The following SPICE1 variants were observed in gnomAD, a reference collection of about 807,000 sequenced individuals.
SPICE1 encodes spindle and centriole associated protein 1.
A neutral mutation model predicts 102.7 loss-of-function variants in SPICE1; 75 were observed. That is an observed-to-expected ratio of 0.73 (90% CI 0.61 to 0.88). The LOEUF (loss-of-function observed/expected upper bound fraction) is 0.88, where lower values mean the gene tolerates loss of function less well. Among genes scored for constraint, SPICE1 ranks in the 40% least tolerant of loss-of-function variants. The pLI is 0.00. For synonymous variants in SPICE1, 308 were observed against 350.3 expected (o/e 0.88, Z 1.35); for missense variants, 979 against 1,020.1 (o/e 0.96, Z 0.55).
chr3:113,451,962 C>T (rs964151342), intron 14 of SPICE1, among the ~76,000 whole-genome samples: 1 of 152,162 alleles, frequency 6.6e-6, no homozygotes, highest in Non-Finnish European at 1.5e-5. Flanking sequence ...ACACAGCCAC[C>T]TCACGAGCTT....
chr3:113,475,425 C>A (rs547265814), intron 7 of SPICE1, among the ~76,000 whole-genome samples: 1 of 152,034 alleles, frequency 6.6e-6, no homozygotes, highest in South Asian at 2.1e-4. Flanking sequence ...TCCTCCCTAA[C>A]TCATTTTATG....
At chr3:113,512,455 C>T (rs1312899208) in intron 1 of SPICE1, among the ~76,000 whole-genome samples, 1 of 135,040 alleles carries the variant, frequency 7.4e-6, no homozygotes, top group Non-Finnish European at 1.5e-5. Flanking sequence ...TGTTACCAGG[C>T]TGGAGTGCAG....
chr3:113,491,386 C>T (rs995447104), intron 6 of SPICE1, among the ~76,000 whole-genome samples: 2 of 151,244 alleles, frequency 1.3e-5, no homozygotes, highest in Non-Finnish European at 2.9e-5. Flanking sequence ...TTTGGGAGGC[C>T]GAGGCGGGCG....
intron 7 of SPICE1, among the ~76,000 whole-genome samples, chr3:113,487,542 A>G (rs984376358): frequency 6.6e-6 from 1 of 152,274 alleles, no homozygotes; most frequent in Middle Eastern, 3.4e-3. Flanking sequence ...ACCCTTCTTT[A>G]ATAAAATGAG....
At chr3:113,502,662 TAAAAAAAA>T (rs35248720) in intron 3 of SPICE1, among the ~76,000 whole-genome samples, 1,805 of 87,284 alleles carry the variant, frequency 0.021, 31 homozygotes, top group Non-Finnish European at 0.03. Flanking sequence ...CAATAAATCT[TAAAAAAAA>T]AAAAAAAAAA....
intron 12 of SPICE1, among the ~76,000 whole-genome samples, chr3:113,458,646 G>A (rs1935844019): frequency 6.6e-6 from 1 of 152,154 alleles, no homozygotes; most frequent in Non-Finnish European, 1.5e-5. Context: ...CGTCTAGGAA[G>A]TGAGGAGCGT....
chr3:113,459,479 A>G (rs1385009289), intron 12 of SPICE1: 1 of 981,528 alleles, frequency 1.0e-6, no homozygotes, highest in Admixed American at 6.2e-5. Flanking sequence ...TAATTCTACA[A>G]TATATTTACT....
chr3:113,514,966 T>C lies in SPICE1; in HGVS notation c.-70A>G. 1.3e-6 allele frequency: 1 copy of C among 760,998 alleles called. No individual in the cohort carries two copies. Among genetic ancestry groups the C allele is most frequent in the South Asian group, 1.9e-5 (1 of 53,326 alleles). The allele number at this position is 760,998 out of a possible 1,614,324, so 47.1% of individuals were successfully genotyped here. A position where few individuals can be genotyped will look rare whatever the true frequency, so the allele number is the denominator to read the frequency against. On this transcript the variant is annotated 5_prime_UTR_variant, in exon 1 of 18. Transcript: ENST00000295872. ...AGGATTCCCCAACCGGGCGCCTGGA[T>C]CCCAGGCAACAGACAGATGCCACCA...
intron 14 of SPICE1, among the ~76,000 whole-genome samples, chr3:113,452,232 C>A (rs1382812170): frequency 6.6e-6 from 1 of 152,222 alleles, no homozygotes; most frequent in Non-Finnish European, 1.5e-5. Flanking sequence ...CTTTGCTACT[C>A]AAAGCGTGGT....
chr3:113,503,126 C>T, intron 3 of SPICE1, 54 bp downstream of exon 3: 3 of 1,563,742 alleles, frequency 1.9e-6, no homozygotes, highest in Non-Finnish European at 2.6e-6. Context: ...GGTTACAAGT[C>T]AAATACCAAA....
chr3:113,495,199 C>T (rs975975854), intron 4 of SPICE1, among the ~76,000 whole-genome samples: 4 of 152,170 alleles, frequency 2.6e-5, no homozygotes, highest in Non-Finnish European at 4.4e-5. Flanking sequence ...ATAATTCTCT[C>T]GGCACCACCA....
At chr3:113,494,271 A>G (rs917084839) in intron 4 of SPICE1, 129 bp from the exon 5 acceptor site, 1 of 582,766 alleles carries the variant, frequency 1.7e-6, no homozygotes, top group Admixed American at 3.4e-5. Context: ...AACCTTCAGT[A>G]GCAATATCCT....
At chr3:113,459,506 T>G (rs1935875801) in intron 12 of SPICE1, 1 of 983,938 alleles carries the variant, frequency 1.0e-6, no homozygotes, top group Admixed American at 6.1e-5. Context: ...CCTTCTTACC[T>G]ATAGGATAAT....
chr3:113,463,029 C>G (rs146453336), intron 11 of SPICE1, among the ~76,000 whole-genome samples: 1 of 152,118 alleles, frequency 6.6e-6, no homozygotes, highest in African/African-American at 2.4e-5. Flanking sequence ...ACACTCCCAC[C>G]GCAAGACCTT....
rs115549940 is a variant in SPICE1 at position 113,494,127 on chromosome 3, A to G, written c.307T>C (p.Tyr103His). 5.2e-3 allele frequency: 8,369 copies of G among 1,607,080 alleles called. 38 individuals carry two copies. Among genetic ancestry groups the G allele is most frequent in the Non-Finnish European group, 6.3e-3 (7,369 of 1,175,984 alleles). The stretch of plus-strand genomic sequence containing the variant: ...TTCTCCAACACATCTTGCATCTGGT[A>G]TTGATCAGAAAGAATCTAGACATGT... ...SIMKEILSDQ[Y>H]QMQDVLEKSD... The change falls in exon 5 of 18, where the codon TAC becomes CAC. Residue 103 changes from tyrosine (Y) to histidine (H), a missense_variant. By Grantham distance (83) the Tyr-to-His change is moderately conservative. Coordinates refer to ENST00000295872, the MANE Select transcript of SPICE1 (RefSeq NM_144718.4).
intron 1 of SPICE1, among the ~76,000 whole-genome samples, chr3:113,513,861 A>G (rs1000480566): frequency 6.6e-6 from 1 of 152,260 alleles, no homozygotes; most frequent in African/African-American, 2.4e-5. Flanking sequence ...GGCACCAGAT[A>G]TAACAAGAAA....
At chr3:113,480,548 C>T (rs970149281) in intron 7 of SPICE1, among the ~76,000 whole-genome samples, 2 of 151,862 alleles carry the variant, frequency 1.3e-5, no homozygotes, top group Non-Finnish European at 1.5e-5. Flanking sequence ...GCAAGGATAG[C>T]GCAATATTAG....
rs563710635 is a variant in SPICE1, at chr3:113,503,550, G to T, written c.100-323C>A. ...ATAAATGGTAGTATATATTCAAAAT[G>T]AGTAAGTTTAACTAAAGTTTTAGTT... On this transcript the variant is annotated intron_variant, in intron 2 of 17. Transcript: ENST00000295872. Among the ~76,000 whole-genome samples, 6 of 152,282 alleles carry T rather than the reference G, an allele frequency of 3.9e-5. No individual in the cohort carries two copies. In the South Asian group the frequency reaches 1.0e-3, roughly 26 times the overall value.
In SPICE1 at chr3:113,476,037, C is replaced by T. The variant is rs1047109091; in HGVS notation, c.612-6799G>A. ...ACATGATTGTACATCTAGAAAACCC[C>T]GTTGTCTCAGCTCAAAATCTCCTTA... is the stretch of plus-strand genomic sequence containing the variant. On this transcript the variant is annotated intron_variant, in intron 7 of 17. Transcript: ENST00000295872. 5.9e-5 allele frequency among the ~76,000 whole-genome samples: 9 copies of T among 152,084 alleles called. No homozygotes were observed. The South Asian group carries it at 6.2e-4, about 11-fold the overall frequency.
Sources: gnomAD v4.1 joint callset for allele counts (sites outside exome capture counted in the v4.1 genomes callset) on GRCh38, gnomAD v4.1.1 for gene constraint, MANE v1.5 for transcripts, NCBI Gene and HGNC (gene_info 2026-07-23, HGNC 2026-07-21) for gene names.